TG: variants seen among roughly 807,000 people sequenced by gnomAD.
TG encodes thyroglobulin, also known as thyroid hormones.
TG carries 270 observed loss-of-function variants against 324.7 expected under a neutral mutation model. The ratio of observed to expected loss-of-function variants is 0.83; its 90% CI spans 0.75 to 0.92. TG has a LOEUF of 0.92. TG is among the 40% of genes least tolerant of loss of function. The probability of loss-of-function intolerance (pLI) is 0.00; values close to 1 mark genes in which losing one functional copy is unlikely to be tolerated. For synonymous variants in TG, 1,401 were observed against 1,327.0 expected, an observed-to-expected ratio of 1.06 and a Z score of -1.21; for missense variants, 3,591 against 3,456.4, an observed-to-expected ratio of 1.04 and a Z score of -0.98.
In TG at chr8:132,929,152, A is replaced by C; in HGVS notation, c.4776A>C (p.Lys1592Asn). 6.2e-7 allele frequency: 1 copy of C among 1,614,164 alleles called. No individual in the cohort carries two copies. Among genetic ancestry groups the C allele is most frequent in the Non-Finnish European group, 8.5e-7 (1 of 1,180,034 alleles). ...DANAPVAVRS[K>N]VPDSEFPVMQ... ...ATGCTCCTGTGGCTGTCAGATCCAA[A>C]GTTCCTGATTCTGAGTTCCCCGTGA... Residue 1592 changes from lysine to asparagine, a missense_variant, in exon 23 of 48, where the codon AAA (lysine) becomes AAC (asparagine). Coordinates refer to ENST00000220616, the MANE Select transcript of TG (RefSeq NM_003235.5).
At chr8:133,023,721 C>G (rs898050764) in intron 40 of TG, among the ~76,000 whole-genome samples, 6 of 152,226 alleles carry the variant, frequency 3.9e-5, no homozygotes, top group African/African-American at 1.4e-4. Context: ...CCAGACATGG[C>G]TGTCTTGTTG....
intron 41 of TG, chr8:133,060,184 C>T: frequency 6.2e-7 from 1 of 1,613,106 alleles, no homozygotes; most frequent in Non-Finnish European, 8.5e-7. Flanking sequence ...CCTGGGGCCG[C>T]TGGTGATGCC....
intron 26 of TG, among the ~76,000 whole-genome samples, chr8:132,947,638 T>C (rs200258494): frequency 1.9e-4 from 1 of 5,130 alleles, no homozygotes; most frequent in Non-Finnish European, 3.2e-4. Context: ...TATATTGCCC[T>C]TTTTTTTTTT....
chr8:133,128,382 C>CAG (rs1554730515), intron 45 of TG, among the ~76,000 whole-genome samples: 2 of 149,160 alleles, frequency 1.3e-5, no homozygotes, highest in African/African-American at 5.0e-5. Context: ...CACACACACA[C>CAG]AGTCATCCGC....
Position 133,118,110 on chromosome 8 carries a change from C to T in TG, c.7862+1394C>T, listed in dbSNP as rs973552859. Among the ~76,000 whole-genome samples, 11 of 152,256 alleles carry T rather than the reference C, an allele frequency of 7.2e-5. No individual in the cohort carries two copies. In the East Asian group the frequency reaches 1.4e-3, roughly 19 times the overall value. ...CCTAAAGTAGGCTGAATAATGGCCA[C>T]CTCAAGATAGACTCCTTCCCATGTC... On this transcript the variant is annotated intron_variant, in intron 45 of 47. Coordinates refer to ENST00000220616, the MANE Select transcript of TG (RefSeq NM_003235.5).
At chr8:132,942,088 T>A (rs1824531381) in intron 26 of TG, among the ~76,000 whole-genome samples, 1 of 152,214 alleles carries the variant, frequency 6.6e-6, no homozygotes, top group Admixed American at 6.5e-5. Context: ...GGAGGTGCCC[T>A]TCTGTTTATG....
At chr8:133,023,169 C>T (rs1001687894) in intron 40 of TG, among the ~76,000 whole-genome samples, 3 of 152,204 alleles carry the variant, frequency 2.0e-5, no homozygotes, top group African/African-American at 7.2e-5. Context: ...AGGCGTCCAG[C>T]ATGAGCAGAA....
intron 41 of TG, chr8:133,094,706 A>G (rs1215039083): frequency 2.6e-6 from 1 of 388,634 alleles, no homozygotes; most frequent in East Asian, 6.1e-5. Flanking sequence ...TTCCCAGAGG[A>G]CTTTGCCACA....
At chr8:132,935,717 G>C in intron 24 of TG, 39 bp from the exon 25 acceptor site, 1 of 1,526,728 alleles carries the variant, frequency 6.5e-7, no homozygotes, top group Non-Finnish European at 9.1e-7. Context: ...GAATTATAAA[G>C]TATTGCAGGA....
At chr8:133,074,726 A>G (rs953041102) in intron 41 of TG, 1 of 400,036 alleles carries the variant, frequency 2.5e-6, no homozygotes. Flanking sequence ...GCTTCTCTCA[A>G]GACATTGCCC....
chr8:133,109,193 T>A (rs1196921207), intron 43 of TG, among the ~76,000 whole-genome samples: 1 of 152,194 alleles, frequency 6.6e-6, no homozygotes, highest in Non-Finnish European at 1.5e-5. Context: ...TTTTCTATTA[T>A]AATCTGATTG....
chr8:132,909,929 G>A (rs1034606556), intron 18 of TG, among the ~76,000 whole-genome samples: 8 of 152,188 alleles, frequency 5.3e-5, no homozygotes, highest in African/African-American at 1.4e-4. Flanking sequence ...CATTTGTAAT[G>A]TGGGGTAATG....
chr8:132,868,111 C>T lies in TG; in HGVS notation c.68-4C>T, dbSNP rs1474232948. The T allele has an allele frequency of 6.2e-7, 1 of 1,614,094 alleles. No homozygotes were observed. On this transcript the variant is annotated splice_region_variant and splice_polypyrimidine_tract_variant and intron_variant, in intron 1 of 47. Transcript: ENST00000220616. ...TCTTTGATGAACCACTTTTCTTTTC[C>T]TAGAGTACCAGGTGGATGCCCAGCC...
At chr8:133,121,320 G>A (rs1280205777) in intron 45 of TG, among the ~76,000 whole-genome samples, 1 of 152,174 alleles carries the variant, frequency 6.6e-6, no homozygotes, top group Non-Finnish European at 1.5e-5. Context: ...CGTGGATCCT[G>A]AGCCTCTTTG....
At chr8:132,922,095 C>G (rs1821190596) in intron 21 of TG, among the ~76,000 whole-genome samples, 6 of 152,168 alleles carry the variant, frequency 3.9e-5, no homozygotes, top group Admixed American at 3.9e-4. Flanking sequence ...ATGATAAAGT[C>G]CCTGTCCTCA....
At chr8:133,035,671 G>C (rs10098314) in intron 41 of TG, among the ~76,000 whole-genome samples, 5 of 152,016 alleles carry the variant, frequency 3.3e-5, no homozygotes, top group African/African-American at 7.2e-5. Context: ...TGTTCCTTTT[G>C]CACATCTCTC....
chr8:133,041,793 T>G (rs986182359), intron 41 of TG, among the ~76,000 whole-genome samples: 9 of 148,988 alleles, frequency 6.0e-5, no homozygotes, highest in Non-Finnish European at 1.2e-4. Flanking sequence ...AGTTTTTTTT[T>G]TTTTTTTTTT....
chr8:133,133,796 G>A, intron 47 of TG, 136 bp downstream of exon 47: 1 of 1,017,010 alleles, frequency 9.8e-7, no homozygotes, highest in Non-Finnish European at 1.5e-6. Context: ...CCCTTCCTGT[G>A]AGTTGTTCAT....
intron 4 of TG, among the ~76,000 whole-genome samples, chr8:132,872,158 A>C (rs1409496337): frequency 6.6e-6 from 1 of 152,182 alleles, no homozygotes; most frequent in African/African-American, 2.4e-5. Flanking sequence ...AAGAGTCAAA[A>C]GTTTTAAAAA....
Sources: gnomAD v4.1 joint callset for allele counts (sites outside exome capture counted in the v4.1 genomes callset) on GRCh38, gnomAD v4.1.1 for gene constraint, MANE v1.5 for transcripts, NCBI Gene and HGNC (gene_info 2026-07-23, HGNC 2026-07-21) for gene names.